Variants in LTF observed in about 807,000 individuals in gnomAD.
LTF encodes lactotransferrin.
Under a neutral mutation model 87.2 loss-of-function variants are expected in LTF, and 91 were observed. That is an observed-to-expected ratio of 1.04 (90% CI 0.88 to 1.24). LTF has a LOEUF of 1.24. LTF is among the 50% of genes most tolerant of loss of function. The pLI is 0.00. For synonymous variants in LTF, 378 were observed against 356.1 expected, an observed-to-expected ratio of 1.06 and a Z score of -0.69; for missense variants, 901 against 904.3, an observed-to-expected ratio of 1.00 and a Z score of 0.05.
intron 6 of LTF, 191 bp downstream of exon 6, chr3:46,454,113 GC>G (rs1258694285): frequency 6.6e-6 from 4 of 606,320 alleles, no homozygotes; most frequent in Non-Finnish European, 5.9e-6. Flanking sequence ...GAAGAGAAAG[GC>G]AGTAGGCACA....
At chr3:46,459,393 T>G (rs1307862979) in intron 2 of LTF, among the ~76,000 whole-genome samples, 2 of 152,234 alleles carry the variant, frequency 1.3e-5, no homozygotes, top group Admixed American at 1.3e-4. Context: ...TACATTTCAT[T>G]TTGGAACAGT....
chr3:46,455,435 G>T lies in LTF; in HGVS notation c.507C>A (p.Ala169=), dbSNP rs114380478. The T allele has an allele frequency of 1.9e-5, 31 of 1,614,216 alleles. No homozygotes were observed. The African/African-American group carries it at 4.0e-4, about 21-fold the overall frequency. Residue 169 remains alanine, a synonymous_variant, in exon 5 of 17, where the codon GCC becomes GCA. Transcript: ENST00000231751. ...GPPEPIEAAV[A]RFFSASCVPG... is the part of the protein sequence containing the mutation. ...GAACACAGCTGGCTGAGAAGAACCT[G>T]GCCACAGCTGTTAAACACAGAGAAG...
intron 3 of LTF, 97 bp from the exon 4 acceptor site, chr3:46,456,075 G>T: frequency 8.4e-7 from 1 of 1,186,768 alleles, no homozygotes; most frequent in Non-Finnish European, 1.2e-6. Flanking sequence ...GGGGAATGCT[G>T]TGCTGCAGTT....
intron 1 of LTF, among the ~76,000 whole-genome samples, chr3:46,472,050 C>T (rs1703297286): frequency 1.3e-5 from 2 of 152,108 alleles, no homozygotes. Context: ...TCTTTCTGGG[C>T]ATAAGTCTTT....
chr3:46,444,399 A>T (rs970176167), intron 12 of LTF, among the ~76,000 whole-genome samples: 5 of 152,328 alleles, frequency 3.3e-5, no homozygotes, highest in Non-Finnish European at 5.9e-5. Flanking sequence ...GCTGAACCTG[A>T]TCTGAATTCG....
intron 12 of LTF, among the ~76,000 whole-genome samples, chr3:46,444,220 A>G (rs1009258397): frequency 1.3e-5 from 2 of 152,210 alleles, no homozygotes. Context: ...GACCTTGAGC[A>G]TGAAAGCCAC....
chr3:46,442,767 G>A (rs1258406956), intron 13 of LTF, among the ~76,000 whole-genome samples: 1 of 152,126 alleles, frequency 6.6e-6, no homozygotes, highest in Admixed American at 6.5e-5. Context: ...GACGCCATCT[G>A]GTCGTGAAAT....
At chr3:46,459,525 G>C in intron 2 of LTF, 131 bp downstream of exon 2, 1 of 847,834 alleles carries the variant, frequency 1.2e-6, no homozygotes, top group Non-Finnish European at 1.6e-6. Context: ...CCCTGTGAGA[G>C]AGGACGGCTC....
Position 46,437,935 on chromosome 3 carries a change from C to T in LTF, c.2098+5G>A, listed in dbSNP as rs758115895. On this transcript the variant is annotated splice_donor_5th_base_variant and intron_variant, in intron 16 of 16. Transcript: ENST00000231751. ...TCTCGGGGATGCTAGCTAGGGTCTACTTACGGGAGGTTGAGCACTTTTTCA... is the reference window on the plus strand; with the variant it reads ...TCTCGGGGATGCTAGCTAGGGTCTATTTACGGGAGGTTGAGCACTTTTTCA... The T allele has an allele frequency of 1.2e-6, 2 of 1,613,606 alleles. No homozygotes were observed. Among genetic ancestry groups the T allele is most frequent in the African/African-American group, 1.3e-5 (1 of 74,996 alleles).
intron 10 of LTF, 79 bp from the exon 11 acceptor site, chr3:46,446,572 T>C (rs1702660389): frequency 2.4e-6 from 3 of 1,243,236 alleles, no homozygotes; most frequent in Non-Finnish European, 3.5e-6. Context: ...ATCTCAATGA[T>C]GCAGAATCAA....
At chr3:46,451,854 C>T (rs1384888414) in intron 6 of LTF, among the ~76,000 whole-genome samples, 3 of 152,206 alleles carry the variant, frequency 2.0e-5, no homozygotes, top group Non-Finnish European at 4.4e-5. Context: ...CTCAGTCTCC[C>T]AAAGTGCTGG....
intron 15 of LTF, among the ~76,000 whole-genome samples, chr3:46,438,529 C>T (rs550593387): frequency 6.6e-6 from 1 of 152,208 alleles, no homozygotes; most frequent in East Asian, 1.9e-4. Context: ...CTAGGAAAAC[C>T]CAGGCTCAGC....
chr3:46,482,659 A>AGAAAGAAAGAAGGAAG (rs1553668626), intron 1 of LTF, among the ~76,000 whole-genome samples: 39 of 60,236 alleles, frequency 6.5e-4, no homozygotes, highest in African/African-American at 1.9e-3. Context: ...AAAGAAAGAA[A>AGAAAGAAAGAAGGAAG]GAAGGAAGGA....
At chr3:46,467,281 G>A (rs560677800), upstream of LTF, among the ~76,000 whole-genome samples, 8 of 152,220 alleles carry the variant, frequency 5.3e-5, no homozygotes, top group African/African-American at 1.9e-4. Context: ...CAGAGAAGAG[G>A]GGTCTGTCCT....
Position 46,476,328 on chromosome 3 carries a change from T to C in LTF, c.-319-5862A>G, listed in dbSNP as rs537656613. ...TGCTGTTGGCTTTTTTGTAGATATG[T>C]AGATTCTATAGAAACTTTTGTAGAT... On this transcript the variant is annotated intron_variant, in intron 1 of 19. Coordinates refer to the LTF transcript ENST00000443496. Among the ~76,000 whole-genome samples, 3 of 152,364 alleles carry C rather than the reference T, an allele frequency of 2.0e-5. No individual in the cohort carries two copies. The South Asian group carries it at 6.2e-4, about 32-fold the overall frequency.
At position 46,436,053 on chromosome 3, in the gene LTF, G is replaced by T; in HGVS notation, c.*142C>A. The T allele has an allele frequency of 4.0e-6, 3 of 748,582 alleles. No individual in the cohort carries two copies. The highest frequency in any genetic ancestry group is 3.2e-5 in the South Asian group (2 of 63,458). The allele number at this position is 748,582 out of a possible 1,614,324, so 46.4% of individuals were successfully genotyped here. A position where few individuals can be genotyped will look rare whatever the true frequency, so the allele number is the denominator to read the frequency against. ...TTCTCATTTTACTTCTTGCTAAGACGACAGCAGGGAATTGTAAGCAGATGG... is the reference window on the plus strand; with the variant it reads ...TTCTCATTTTACTTCTTGCTAAGACTACAGCAGGGAATTGTAAGCAGATGG... On this transcript the variant is annotated 3_prime_UTR_variant, in exon 17 of 17. Coordinates refer to ENST00000231751, the MANE Select transcript of LTF (RefSeq NM_002343.6).
intron 1 of LTF, among the ~76,000 whole-genome samples, chr3:46,460,308 C>G (rs1182728185): frequency 6.6e-6 from 1 of 152,182 alleles, no homozygotes; most frequent in Non-Finnish European, 1.5e-5. Context: ...GTGCATAAAT[C>G]TCTTCCCAGG....
intron 1 of LTF, 44 bp downstream of exon 1, chr3:46,464,781 A>G (rs1033511250): frequency 1.9e-6 from 3 of 1,604,966 alleles, no homozygotes; most frequent in Non-Finnish European, 2.6e-6. Flanking sequence ...AGGGCGCAGG[A>G]GACGCCCATC....
chr3:46,468,490 C>T (rs1340539996), upstream of LTF, among the ~76,000 whole-genome samples: 2 of 152,218 alleles, frequency 1.3e-5, no homozygotes, highest in Admixed American at 6.5e-5. Context: ...TGCCCCCACC[C>T]TCAAAACTCC....
Sources: gnomAD v4.1 joint callset for allele counts (sites outside exome capture counted in the v4.1 genomes callset) on GRCh38, gnomAD v4.1.1 for gene constraint, MANE v1.5 for transcripts, NCBI Gene and HGNC (gene_info 2026-07-23, HGNC 2026-07-21) for gene names.